Variants in BACH1 observed in about 807,000 individuals in gnomAD.
BACH1 encodes the protein BTB domain and CNC homolog 1, also known as transcription regulator protein BACH1.
In BACH1, 35 loss-of-function variants were observed where a neutral mutation model predicts 52.9. The ratio of observed to expected loss-of-function variants is 0.66; its 90% confidence interval spans 0.51 to 0.88. BACH1 has a LOEUF of 0.88. BACH1 is among the 40% of genes least tolerant of loss of function. The pLI is 0.00. For synonymous variants in BACH1, 321 were observed against 319.6 expected, an observed-to-expected ratio of 1.00 and a Z score of -0.05; for missense variants, 808 against 872.6, an observed-to-expected ratio of 0.93 and a Z score of 0.93.
At chr21:29,316,328 T>C (rs1400679669) in intron 1 of BACH1, among the ~76,000 whole-genome samples, 1 of 152,244 alleles carries the variant, frequency 6.6e-6, no homozygotes, top group Non-Finnish European at 1.5e-5. Context: ...GAGCAGAAGT[T>C]ATTTCCAAAT....
rs184393532 is a variant in BACH1, at chr21:29,341,188, C to T, written c.1777-1211C>T. Among the ~76,000 whole-genome samples, 11 of 152,050 alleles carry T rather than the reference C, an allele frequency of 7.2e-5. No individual in the cohort carries two copies. In the East Asian group the frequency reaches 1.7e-3, roughly 24 times the overall value. On this transcript the variant is annotated intron_variant, in intron 4 of 4. Coordinates refer to ENST00000286800, the MANE Select transcript of BACH1 (RefSeq NM_001186.4). ...CAATACTTTTGTATAAAGCAAAATT[C>T]GTTTTACCCTTTTAGTGACTTTTAT...
chr21:29,326,013 G>A lies in BACH1; in HGVS notation c.235-46G>A, dbSNP rs754525676. On this transcript the variant is annotated intron_variant, in intron 2 of 4. Transcript: ENST00000286800. Reference sequence around the variant, plus strand: ...CTACTTATTTTGTTTTTATGTACTAGACAGCTTTCAAATGATGTGTTTGTT... The same window carrying A: ...CTACTTATTTTGTTTTTATGTACTAAACAGCTTTCAAATGATGTGTTTGTT... 3.3e-5 allele frequency: 50 copies of A among 1,536,764 alleles called. No homozygotes were observed. In the South Asian group the frequency reaches 5.1e-4, roughly 16 times the overall value.
intron 2 of BACH1, among the ~76,000 whole-genome samples, chr21:29,322,707 C>G (rs1258969959): frequency 1.3e-5 from 2 of 152,190 alleles, no homozygotes; most frequent in Non-Finnish European, 2.9e-5. Context: ...TAAACTAAGT[C>G]TACAGTTTAG....
At chr21:29,358,331 G>C (rs981195494) in intron 2 of BACH1, among the ~76,000 whole-genome samples, 30 of 152,328 alleles carry the variant, frequency 2.0e-4, no homozygotes, top group African/African-American at 7.0e-4. Flanking sequence ...ACATGGGCCT[G>C]CAGAGGACAA....
chr21:29,320,368 G>A (rs553240025), intron 1 of BACH1, among the ~76,000 whole-genome samples: 1 of 152,256 alleles, frequency 6.6e-6, no homozygotes, highest in South Asian at 2.1e-4. Context: ...TATCAGAATA[G>A]TAGCACATGT....
Position 29,326,651 on chromosome 21 carries a change from T to C in BACH1, c.827T>C (p.Met276Thr). The change falls in exon 3 of 5, where the codon ATG (methionine) becomes ACG (threonine). Residue 276 changes from methionine to threonine, a missense_variant. Transcript: ENST00000286800. ...GVPECRDLQV[M>T]LKCDESKLAM... ...CCGGAGTGTAGAGATTTGCAGGTGATGTTAAAATGTGACGAAAGTAAATTA... is the reference window on the plus strand; with the variant it reads ...CCGGAGTGTAGAGATTTGCAGGTGACGTTAAAATGTGACGAAAGTAAATTA... The C allele has an allele frequency of 1.2e-6, 2 of 1,614,084 alleles. No homozygotes were observed. Among genetic ancestry groups the C allele is most frequent in the Middle Eastern group, 1.6e-4 (1 of 6,062 alleles).
At chr21:29,347,505 A>T (rs146537888), downstream of BACH1, among the ~76,000 whole-genome samples, 4 of 152,220 alleles carry the variant, frequency 2.6e-5, no homozygotes, top group Admixed American at 6.5e-5. Flanking sequence ...AAACTAGGGA[A>T]GTCTTAGGGA....
intron 1 of BACH1, among the ~76,000 whole-genome samples, chr21:29,316,061 C>G (rs1012141832): frequency 6.6e-6 from 1 of 152,020 alleles, no homozygotes; most frequent in Admixed American, 6.5e-5. Flanking sequence ...TCTATTGAAA[C>G]TTGAGGTAGA....
At chr21:29,357,968 C>T (rs1017515000) in intron 2 of BACH1, among the ~76,000 whole-genome samples, 1 of 152,204 alleles carries the variant, frequency 6.6e-6, no homozygotes, top group African/African-American at 2.4e-5. Context: ...TTCTCCCACT[C>T]ACCTAGTCCC....
rs1569022819 is a variant in BACH1, at chr21:29,342,683, C to CAGTGAGCCT, written c.2062_2070dup (p.Ser688_Pro690dup). 1.9e-6 allele frequency: 3 copies of CAGTGAGCCT among 1,614,102 alleles called. No individual in the cohort carries two copies. On this transcript the variant is annotated inframe_insertion, in exon 5 of 5. Coordinates refer to ENST00000286800, the MANE Select transcript of BACH1 (RefSeq NM_001186.4). ...TGCTGCCTCCCTGTGCCAGAGGAAACAGTGAGCCTGGCTACGCGCGAGGGC... is the reference window on the plus strand; with the variant it reads ...TGCTGCCTCCCTGTGCCAGAGGAAACAGTGAGCCTAGTGAGCCTGGCTACGCGCGAGGGC...
At chr21:29,352,420 G>A (rs1350116116) in intron 2 of BACH1, among the ~76,000 whole-genome samples, 1 of 152,164 alleles carries the variant, frequency 6.6e-6, no homozygotes, top group African/African-American at 2.4e-5. Context: ...ATTACTTAAT[G>A]TCTCTCAGAT....
intron 3 of BACH1, among the ~76,000 whole-genome samples, chr21:29,327,981 T>A (rs1275378242): frequency 6.6e-6 from 1 of 152,228 alleles, no homozygotes; most frequent in Non-Finnish European, 1.5e-5. Flanking sequence ...TCAAATGCCA[T>A]GCTGCAAGAC....
chr21:29,301,601 A>G (rs1014356511), intron 1 of BACH1, among the ~76,000 whole-genome samples: 2 of 152,240 alleles, frequency 1.3e-5, no homozygotes, highest in Non-Finnish European at 2.9e-5. Context: ...ATTTCATTTG[A>G]TAACCTGTAT....
rs756432215 is a variant in BACH1 at position 29,321,363 on chromosome 21, G to A, written c.83G>A (p.Arg28Gln). Residue 28 changes from arginine to glutamine, a missense_variant, in exon 2 of 5, where the codon CGG (arginine) becomes CAG (glutamine). By Grantham distance (43) the Arg-to-Gln change is conservative (BLOSUM62 1). Coordinates refer to ENST00000286800, the MANE Select transcript of BACH1 (RefSeq NM_001186.4). The part of the protein sequence containing the change: ...TNVLLSLNDQ[R>Q]KKDVLCDVTI... ...GTTTTACTCAGCCTTAATGACCAGC[G>A]GAAGAAAGATGTGCTGTGCGATGTC... is the stretch of plus-strand genomic sequence containing the variant. 4 of 1,614,162 alleles carry A rather than the reference G, an allele frequency of 2.5e-6. No individual in the cohort carries two copies. Among genetic ancestry groups the A allele is most frequent in the South Asian group, 1.1e-5 (1 of 91,086 alleles).
At chr21:29,341,793 A>G (rs999250784) in intron 4 of BACH1, among the ~76,000 whole-genome samples, 6 of 152,322 alleles carry the variant, frequency 3.9e-5, no homozygotes, top group Non-Finnish European at 7.3e-5. Context: ...CTGAGATTGC[A>G]TGTTGGAAAA....
At position 29,326,439 on chromosome 21, in the gene BACH1, G is replaced by T. The variant is rs2088912232; in HGVS notation, c.615G>T (p.Gln205His). The change falls in exon 3 of 5, where the codon CAG (glutamine) becomes CAT (histidine). Residue 205 changes from glutamine to histidine, a missense_variant. Physicochemically the swap from Gln to His is conservative, Grantham distance 24. Coordinates refer to ENST00000286800, the MANE Select transcript of BACH1 (RefSeq NM_001186.4). ...ASPPLQDSAS[Q>H]TYESMCLEKD... ...CTCCTCTACAAGACAGTGCCAGTCA[G>T]ACATATGAGTCCATGTGCTTAGAGA... 6.2e-7 allele frequency: 1 copy of T among 1,614,210 alleles called. No individual in the cohort carries two copies. The highest frequency in any genetic ancestry group is 1.1e-5 in the South Asian group (1 of 91,086).
chr21:29,346,855 C>T (rs1018248059), downstream of BACH1, among the ~76,000 whole-genome samples: 3 of 68,752 alleles, frequency 4.4e-5, no homozygotes, highest in African/African-American at 3.5e-4. Context: ...TAGTCTGAAT[C>T]GGGAGAAGAT....
At chr21:29,318,292 C>T (rs1319892220) in intron 1 of BACH1, among the ~76,000 whole-genome samples, 2 of 152,082 alleles carry the variant, frequency 1.3e-5, no homozygotes, top group African/African-American at 4.8e-5. Context: ...GAGAGGTGGA[C>T]CCCAGTGCTA....
chr21:29,329,732 C>G, intron 4 of BACH1, 39 bp downstream of exon 4: 2 of 1,378,168 alleles, frequency 1.5e-6, no homozygotes, highest in Non-Finnish European at 1.9e-6. Flanking sequence ...TAAATTCCAC[C>G]ACTTTCTTTT....
Sources: gnomAD v4.1 joint callset for allele counts (sites outside exome capture counted in the v4.1 genomes callset) on GRCh38, gnomAD v4.1.1 for gene constraint, MANE v1.5 for transcripts, NCBI Gene and HGNC (gene_info 2026-07-23, HGNC 2026-07-21) for gene names.